MAML3: variants seen among roughly 807,000 people sequenced by gnomAD.
MAML3 encodes mastermind like transcriptional coactivator 3.
Under a neutral mutation model 101.9 loss-of-function variants are expected in MAML3, and 27 were observed. That is an observed-to-expected ratio of 0.27 (90% CI 0.20 to 0.37). The LOEUF (loss-of-function observed/expected upper bound fraction) is 0.37, where lower values mean the gene tolerates loss of function less well. Among genes scored for constraint, MAML3 ranks in the 10% least tolerant of loss-of-function variants. The pLI is 1.00. For synonymous variants in MAML3, 501 were observed against 555.9 expected (o/e 0.90, Z 1.39); for missense variants, 1,316 against 1,444.9 (o/e 0.91, Z 1.45).
chr4:139,786,020 C>T (rs1178431366), intron 2 of MAML3, among the ~76,000 whole-genome samples: 1 of 151,806 alleles, frequency 6.6e-6, no homozygotes, highest in African/African-American at 2.4e-5. Flanking sequence ...GGAGACAGGG[C>T]CTTTAAAGAG....
rs150602612 is a variant in MAML3 at position 140,045,732 on chromosome 4, C to T, written c.468+107128G>A. 1.2e-3 allele frequency among the ~76,000 whole-genome samples: 187 copies of T among 152,234 alleles called. 1 individual carries two copies. The highest frequency in any genetic ancestry group is 0.011 in the Admixed American group (169 of 15,288). On this transcript the variant is annotated intron_variant, in intron 1 of 4. Coordinates refer to ENST00000509479, the MANE Select transcript of MAML3 (RefSeq NM_018717.5). ...TTTCCTATGATCCTGAGTATGGCAA[C>T]ACTCAAAGTAAACCTGGGGCAGCCC...
intron 1 of MAML3, among the ~76,000 whole-genome samples, chr4:139,948,968 C>A (rs1490643280): frequency 6.6e-6 from 1 of 152,056 alleles, no homozygotes; most frequent in African/African-American, 2.4e-5. Flanking sequence ...AGCCTCTACG[C>A]CTTATTGACA....
intron 1 of MAML3, among the ~76,000 whole-genome samples, chr4:140,050,535 A>G (rs759654838): frequency 2.2e-4 from 33 of 151,382 alleles, no homozygotes; most frequent in Non-Finnish European, 4.4e-4. Context: ...ACATCCTCGC[A>G]CCGCCTCCCA....
At position 139,719,957 on chromosome 4, in the gene MAML3, T is replaced by C. The variant is rs763537110; in HGVS notation, c.2783A>G (p.Gln928Arg). The change falls in exon 5 of 5, where the codon CAA becomes CGA. Residue 928 changes from glutamine to arginine, a missense_variant. Coordinates refer to ENST00000509479, the MANE Select transcript of MAML3 (RefSeq NM_018717.5). ...TACTGGCCCTTTCATCTGTGGATGT[T>C]GCTGGGTAATGGCTGAGTTCACCAG... ...SMLVNSAITQ[Q>R]HPQMKGPVGQ... 8 of 1,614,074 alleles carry C rather than the reference T, an allele frequency of 5.0e-6. No individual in the cohort carries two copies. In the South Asian group the frequency reaches 8.8e-5, roughly 18 times the overall value.
chr4:140,099,542 G>A (rs529035863), intron 1 of MAML3, among the ~76,000 whole-genome samples: 5 of 152,242 alleles, frequency 3.3e-5, no homozygotes, highest in East Asian at 1.9e-4. Flanking sequence ...GTAAGGCAAG[G>A]TTTCATGGGA....
intron 1 of MAML3, among the ~76,000 whole-genome samples, chr4:140,069,816 TA>T (rs1157399266): frequency 1.6e-3 from 226 of 143,976 alleles, no homozygotes; most frequent in Middle Eastern, 3.8e-3. Context: ...CTGGAGTCCT[TA>T]AAAAAAAAAA....
At chr4:140,104,474 A>ATTTT (rs565204552) in intron 1 of MAML3, among the ~76,000 whole-genome samples, 1 of 87,004 alleles carries the variant, frequency 1.1e-5, no homozygotes, top group African/African-American at 4.0e-5. Flanking sequence ...TATATATATA[A>ATTTT]TTTTTTTTTT....
intron 2 of MAML3, 165 bp downstream of exon 2, chr4:139,889,192 A>G: frequency 7.6e-7 from 1 of 1,314,122 alleles, no homozygotes; most frequent in East Asian, 2.3e-5. Flanking sequence ...CTTAGGAGAA[A>G]TGGAAAAAGA....
chr4:139,819,370 T>C (rs1301104874), intron 2 of MAML3, among the ~76,000 whole-genome samples: 1 of 152,208 alleles, frequency 6.6e-6, no homozygotes, highest in Non-Finnish European at 1.5e-5. Context: ...GTATTTGGAA[T>C]CAGATTATAT....
chr4:139,934,588 G>A (rs907975928), intron 1 of MAML3, among the ~76,000 whole-genome samples: 2 of 152,028 alleles, frequency 1.3e-5, no homozygotes, highest in African/African-American at 2.4e-5. Context: ...GGGGCTCTTC[G>A]GCTTTCTTAT....
At position 139,735,852 on chromosome 4, in the gene MAML3, A is replaced by C. The variant is rs377673486; in HGVS notation, c.2080-5185T>G. 7.9e-5 allele frequency among the ~76,000 whole-genome samples: 12 copies of C among 152,034 alleles called. No homozygotes were observed. The East Asian group carries it at 1.4e-3, about 17-fold the overall frequency. ...CCACGAGGCGGTCCCGGGCGCGGGC[A>C]GGGGCGGTGCGGCGGCGCTCGGGAG... is the stretch of plus-strand genomic sequence containing the variant. On this transcript the variant is annotated intron_variant, in intron 2 of 4. Coordinates refer to ENST00000509479, the MANE Select transcript of MAML3 (RefSeq NM_018717.5). The surrounding 1 kb of genome is among the most constrained non-coding windows in gnomAD (Gnocchi z 5.8).
At chr4:140,134,296 T>C (rs1270653891) in intron 1 of MAML3, 1 of 456,626 alleles carries the variant, frequency 2.2e-6, no homozygotes, top group Non-Finnish European at 4.4e-6. Flanking sequence ...TGAAAGGATG[T>C]TCCCACACTC....
At chr4:139,995,187 A>C (rs534808268) in intron 1 of MAML3, among the ~76,000 whole-genome samples, 45 of 152,312 alleles carry the variant, frequency 3.0e-4, no homozygotes, top group Non-Finnish European at 6.2e-4. Flanking sequence ...GTCTATTAAT[A>C]CATTATGTTA....
chr4:140,111,504 A>G (rs919587590), intron 1 of MAML3, among the ~76,000 whole-genome samples: 2 of 152,242 alleles, frequency 1.3e-5, no homozygotes, highest in African/African-American at 4.8e-5. Context: ...TAACACTTCA[A>G]TGAAGTATTT....
At chr4:140,131,911 T>C (rs1006173130) in intron 1 of MAML3, among the ~76,000 whole-genome samples, 12 of 152,232 alleles carry the variant, frequency 7.9e-5, no homozygotes, top group African/African-American at 2.9e-4. Context: ...ACATTCAGGA[T>C]TGCTGTCTCC....
intron 1 of MAML3, among the ~76,000 whole-genome samples, chr4:139,955,250 T>C (rs1409693233): frequency 6.6e-6 from 1 of 152,036 alleles, no homozygotes; most frequent in Non-Finnish European, 1.5e-5. Context: ...GAGTGGATAA[T>C]AAAACTTTAG....
rs1729730511 is a variant in MAML3, at chr4:139,760,310, C to A, written c.2080-29643G>T. 2.0e-5 allele frequency among the ~76,000 whole-genome samples: 3 copies of A among 152,152 alleles called. No individual in the cohort carries two copies. In the South Asian group the frequency reaches 6.2e-4, roughly 32 times the overall value. ...CAGGTCAAACTTAACAGAGGTAAAT[C>A]TAGAATTCAGGTGAACAAGAAACCA... On this transcript the variant is annotated intron_variant, in intron 2 of 4. Coordinates refer to ENST00000509479, the MANE Select transcript of MAML3 (RefSeq NM_018717.5).
intron 1 of MAML3, among the ~76,000 whole-genome samples, chr4:140,070,920 C>T (rs1410999580): frequency 6.6e-6 from 1 of 152,190 alleles, no homozygotes; most frequent in Admixed American, 6.5e-5. Context: ...TGCTAATAAC[C>T]ACACAGCTAG....
chr4:139,941,862 G>A (rs533272979), intron 1 of MAML3, among the ~76,000 whole-genome samples: 8 of 152,230 alleles, frequency 5.3e-5, no homozygotes, highest in Non-Finnish European at 7.4e-5. Flanking sequence ...AGCCGGTCAC[G>A]ATGGCTCACA....
Sources: gnomAD v4.1 joint callset for allele counts (sites outside exome capture counted in the v4.1 genomes callset) on GRCh38, gnomAD v4.1.1 for gene constraint, Gnocchi (gnomAD v3.1) non-coding constraint, MANE v1.5 for transcripts, NCBI Gene and HGNC (gene_info 2026-07-23, HGNC 2026-07-21) for gene names.